Variants in ERAP1 observed in about 807,000 individuals in gnomAD.
The protein encoded by ERAP1 is endoplasmic reticulum aminopeptidase 1.
In ERAP1, 86 loss-of-function variants were observed where a neutral mutation model predicts 103.7. That is an observed-to-expected ratio of 0.83 (90% CI 0.70 to 0.99). The LOEUF (loss-of-function observed/expected upper bound fraction) is 0.99. Ranked by LOEUF, ERAP1 falls within the 50% of genes least tolerant of loss-of-function variation. The pLI is 0.00. For missense variants in ERAP1, 1,009 were observed against 1,128.4 expected (o/e 0.89, Z 1.52); for synonymous variants, 398 against 402.4 (o/e 0.99, Z 0.13).
chr5:96,768,286 T>C lies in ERAP1; in HGVS notation c.2819-5058A>G, dbSNP rs914073963. 1.9e-5 allele frequency: 8 copies of C among 415,506 alleles called. No homozygotes were observed. The East Asian group carries it at 4.3e-4, about 22-fold the overall frequency. 25.7% of individuals were successfully genotyped at this position (415,506 alleles called of 1,614,324 possible). On this transcript the variant is annotated intron_variant, in intron 19 of 19. Transcript: ENST00000296754. The stretch of plus-strand genomic sequence containing the variant: ...TTTTTGTAGAGAGGGGGTTTCGCCA[T>C]GTTGCCAGGCTGGTCTCGAGCTCTT...
chr5:96,834,300 G>T, the ERAP1 span, among the ~76,000 whole-genome samples: 1 of 152,320 alleles, frequency 6.6e-6, no homozygotes, highest in East Asian at 1.9e-4. Flanking sequence ...TTCAGCAGAA[G>T]GGGTCCTATT....
At chr5:96,782,013 T>C (rs866327465) in intron 15 of ERAP1, among the ~76,000 whole-genome samples, 159 bp from the exon 16 acceptor site, 13,582 of 149,916 alleles carry the variant, frequency 0.091, 798 homozygotes, top group Middle Eastern at 0.16. Flanking sequence ...TTACAATTTT[T>C]TTTTTTTTTT....
chr5:96,783,779 C>G (rs1306450807), intron 14 of ERAP1, 145 bp downstream of exon 14: 1 of 848,718 alleles, frequency 1.2e-6, no homozygotes, highest in East Asian at 2.8e-5. Flanking sequence ...AAATACTGAA[C>G]TAATATTTAT....
rs544740304 is a variant in ERAP1 at position 96,793,167 on chromosome 5, C to T, written c.1188+233G>A. On this transcript the variant is annotated intron_variant, in intron 7 of 18. Transcript: ENST00000443439. Reference sequence around the variant, plus strand: ...TCTTTGATATTAAGAAATATAAAATCGGACAATTTACAAACAATCATAGAT... The same window carrying T: ...TCTTTGATATTAAGAAATATAAAATTGGACAATTTACAAACAATCATAGAT... Among the ~76,000 whole-genome samples, 12 of 152,238 alleles carry T rather than the reference C, an allele frequency of 7.9e-5. No homozygotes were observed. The East Asian group carries it at 1.5e-3, about 20-fold the overall frequency.
In ERAP1 at chr5:96,775,184, T is replaced by G. The variant is rs1773954465; in HGVS notation, c.*1212A>C. On this transcript the variant is annotated 3_prime_UTR_variant, in exon 19 of 19. Coordinates refer to ENST00000443439, the MANE Select transcript of ERAP1 (RefSeq NM_001040458.3). ...CCGTTGGTTTACCATGTTAGTAAACTGTGCTTTCTATTATTATCATCTATA... is the reference window on the plus strand; with the variant it reads ...CCGTTGGTTTACCATGTTAGTAAACGGTGCTTTCTATTATTATCATCTATA... The G allele has an allele frequency of 2.0e-6, 2 of 985,404 alleles. No individual in the cohort carries two copies. The allele number at this position is 985,404 out of a possible 1,614,324, so 61.0% of individuals were successfully genotyped here.
chr5:96,832,187 C>T, the ERAP1 span, among the ~76,000 whole-genome samples: 7,941 of 152,194 alleles, frequency 0.052, 256 homozygotes, highest in South Asian at 0.11. Context: ...ACTATATTAA[C>T]GGAAGCTCTC....
chr5:96,887,912 G>A, the ERAP1 span, among the ~76,000 whole-genome samples: 1 of 152,068 alleles, frequency 6.6e-6, no homozygotes, highest in African/African-American at 2.4e-5. Flanking sequence ...GATCGCCTGA[G>A]GTCAGGAGTT....
intron 11 of ERAP1, among the ~76,000 whole-genome samples, chr5:96,788,299 AATGTT>A (rs1776323902): frequency 1.3e-5 from 2 of 152,226 alleles, no homozygotes; most frequent in African/African-American, 4.8e-5. Context: ...AAAATATGAG[AATGTT>A]AAAGTAATTA....
the ERAP1 span, chr5:96,883,895 G>A: frequency 1.6e-5 from 26 of 1,613,458 alleles, no homozygotes; most frequent in Non-Finnish European, 1.9e-5. Flanking sequence ...GATACGAAGA[G>A]AGAGCAGGCA....
the ERAP1 span, chr5:96,900,380 A>G: frequency 1.1e-6 from 1 of 873,612 alleles, no homozygotes. Flanking sequence ...TGTTGCTACT[A>G]TATTTTTGTT....
At chr5:96,888,114 G>C in the ERAP1 span, among the ~76,000 whole-genome samples, 1 of 135,638 alleles carries the variant, frequency 7.4e-6, no homozygotes, top group African/African-American at 2.8e-5. Flanking sequence ...ACAAGAGTGA[G>C]ACTTCATCTC....
chr5:96,902,475 T>A, the ERAP1 span: 1 of 638,256 alleles, frequency 1.6e-6, no homozygotes, highest in South Asian at 2.1e-5. Context: ...AGGGAAGTTG[T>A]CATTTATCCA....
chr5:96,777,327 A>G (rs11750464), intron 18 of ERAP1, among the ~76,000 whole-genome samples: 13,807 of 152,210 alleles, frequency 0.091, 827 homozygotes, highest in Middle Eastern at 0.16. Flanking sequence ...GCATTAATCC[A>G]TCAATTTTTG....
chr5:96,787,791 T>C (rs1422785703), intron 11 of ERAP1, among the ~76,000 whole-genome samples: 6 of 120,476 alleles, frequency 5.0e-5, no homozygotes, highest in Admixed American at 1.8e-4. Context: ...ATATTATATA[T>C]ATATATGTGT....
the ERAP1 span, among the ~76,000 whole-genome samples, chr5:96,819,012 G>A: frequency 5.3e-5 from 8 of 151,944 alleles, no homozygotes; most frequent in Admixed American, 2.0e-4. Context: ...TGCAACCTCC[G>A]CCTTCCAGGT....
In ERAP1 at chr5:96,792,148, A is replaced by G; in HGVS notation, c.1233T>C (p.Asp411=). ...FGKCFDAMEV[D]ALNSSHPVST... ...ACACAGGGTGTGAGGAATTTAAAGC[A>G]TCTACCTCCATTGCGTCAAAACATT... The change falls in exon 8 of 19, where the codon GAT becomes GAC. Residue 411 remains aspartate (D), a synonymous_variant. Transcript: ENST00000443439. 3 of 1,613,932 alleles carry G rather than the reference A, an allele frequency of 1.9e-6. No homozygotes were observed. Among genetic ancestry groups the G allele is most frequent in the Non-Finnish European group, 2.5e-6 (3 of 1,179,772 alleles).
chr5:96,900,440 G>A, the ERAP1 span, among the ~76,000 whole-genome samples: 6,092 of 152,188 alleles, frequency 0.04, 174 homozygotes, highest in Non-Finnish European at 0.065. Context: ...AAATATCTCA[G>A]CGCAAAATGT....
downstream of ERAP1, among the ~76,000 whole-genome samples, chr5:96,771,000 C>G (rs912730436): frequency 3.2e-4 from 49 of 152,040 alleles, 1 homozygote; most frequent in Admixed American, 6.6e-5. Context: ...CTTCCAATTC[C>G]AAGAACATAT....
chr5:96,905,757 G>A, the ERAP1 span, among the ~76,000 whole-genome samples: 5 of 152,054 alleles, frequency 3.3e-5, no homozygotes, highest in Admixed American at 6.6e-5. Context: ...GGTGGTGTAC[G>A]CCTGTAATCC....
Sources: allele counts gnomAD v4.1 joint callset (sites outside exome capture counted in the v4.1 genomes callset), GRCh38; gene constraint gnomAD v4.1.1; transcripts MANE v1.5; gene names NCBI Gene and HGNC (gene_info 2026-07-23, HGNC 2026-07-21).